MYBL2: variants seen among roughly 807,000 people sequenced by gnomAD.
The protein encoded by MYBL2 is MYB proto-oncogene like 2.
A neutral mutation model predicts 79.9 loss-of-function variants in MYBL2; 28 were observed. The observed-to-expected ratio is 0.35, with a 90% CI of 0.26 to 0.48. The LOEUF is 0.48. Ranked by LOEUF, MYBL2 falls within the 20% of genes least tolerant of loss-of-function variation. MYBL2 has a pLI of 0.99. For synonymous variants in MYBL2, 378 were observed against 361.2 expected (o/e 1.05, Z -0.53); for missense variants, 735 against 893.9 (o/e 0.82, Z 2.27).
At chr20:43,699,646 T>C (rs1247256245) in intron 6 of MYBL2, 111 bp from the exon 7 acceptor site, 1 of 1,126,924 alleles carries the variant, frequency 8.9e-7, no homozygotes, top group African/African-American at 1.6e-5. Context: ...GTTTCTCTAT[T>C]TGGGTTCATC....
chr20:43,682,814 C>T lies in MYBL2; in HGVS notation c.207C>T (p.Cys69=). The T allele has an allele frequency of 6.2e-7, 1 of 1,613,994 alleles. No individual in the cohort carries two copies. Among genetic ancestry groups the T allele is most frequent in the Non-Finnish European group, 8.5e-7 (1 of 1,179,890 alleles). The change falls in exon 4 of 14, where the codon TGC becomes TGT. Residue 69 remains cysteine (C), a synonymous_variant. Coordinates refer to ENST00000217026, the MANE Select transcript of MYBL2 (RefSeq NM_002466.4). ...SHFPNRTDQQ[C]QYRWLRVLNP... ...CCCAGAACCGCACTGACCAGCAATGCCAGTACAGGTGGCTGAGAGTTTTGA... is the reference window on the plus strand; with the variant it reads ...CCCAGAACCGCACTGACCAGCAATGTCAGTACAGGTGGCTGAGAGTTTTGA...
intron 6 of MYBL2, among the ~76,000 whole-genome samples, chr20:43,697,320 C>T (rs2145724837): frequency 6.6e-6 from 1 of 151,928 alleles, no homozygotes; most frequent in East Asian, 1.9e-4. Flanking sequence ...AAATAAATTG[C>T]ATATATTGAC....
Position 43,690,197 on chromosome 20 carries a change from T to A in MYBL2, c.501-1960T>A, listed in dbSNP as rs112739611. On this transcript the variant is annotated intron_variant, in intron 5 of 13. Transcript: ENST00000217026. The stretch of plus-strand genomic sequence containing the variant: ...CCTTCCAAGAGCTGTTTTTTGTTTT[T>A]TTTTTTTTGTTTGTTTTTTGTTTTT... Among the ~76,000 whole-genome samples the A allele has an allele frequency of 5.9e-5, 9 of 152,016 alleles. No homozygotes were observed. The South Asian group carries it at 1.7e-3, about 28-fold the overall frequency.
chr20:43,700,996 A>T (rs781200664), intron 7 of MYBL2, among the ~76,000 whole-genome samples: 1 of 152,096 alleles, frequency 6.6e-6, no homozygotes, highest in Non-Finnish European at 1.5e-5. Context: ...CAGGCCCATC[A>T]CTTGCTACCT....
Position 43,686,848 on chromosome 20 carries a change from T to C in MYBL2, c.280-4T>C, listed in dbSNP as rs1309541705. ...AAGTGGCTACCCAGAGACTTTTCTC[T>C]AAGGTCATCGAGCTGGTTAAGAAGT... On this transcript the variant is annotated splice_polypyrimidine_tract_variant and splice_region_variant and intron_variant, in intron 4 of 13. Transcript: ENST00000217026. The C allele has an allele frequency of 1.2e-6, 2 of 1,613,856 alleles. No homozygotes were observed. Among genetic ancestry groups the C allele is most frequent in the Admixed American group, 1.7e-5 (1 of 60,022 alleles).
chr20:43,692,061 C>G, intron 5 of MYBL2, 96 bp from the exon 6 acceptor site: 1 of 1,166,102 alleles, frequency 8.6e-7, no homozygotes, highest in South Asian at 1.5e-5. Flanking sequence ...GATTCATTTA[C>G]AGGAGCAGGA....
At chr20:43,698,065 T>TC (rs1159670192) in intron 6 of MYBL2, among the ~76,000 whole-genome samples, 8 of 140,882 alleles carry the variant, frequency 5.7e-5, no homozygotes, top group African/African-American at 2.0e-4. Context: ...GGTTGTCTTT[T>TC]TTTTTTTTTT....
At chr20:43,701,122 C>T (rs187877940) in intron 7 of MYBL2, among the ~76,000 whole-genome samples, 2 of 152,290 alleles carry the variant, frequency 1.3e-5, no homozygotes, top group Non-Finnish European at 1.5e-5. Flanking sequence ...TTCACACAGC[C>T]GGTGACCTCC....
chr20:43,691,346 G>A (rs977785000), intron 5 of MYBL2, among the ~76,000 whole-genome samples: 1 of 151,770 alleles, frequency 6.6e-6, no homozygotes, highest in African/African-American at 2.4e-5. Context: ...TTTTGAGATG[G>A]AGTCTCACTC....
intron 1 of MYBL2, among the ~76,000 whole-genome samples, chr20:43,668,523 A>G (rs1230284705): frequency 6.6e-6 from 1 of 151,942 alleles, no homozygotes; most frequent in African/African-American, 2.4e-5. Context: ...TCTTTAGACG[A>G]TAGCCTCATC....
chr20:43,703,716 C>G (rs1277357270), intron 8 of MYBL2, among the ~76,000 whole-genome samples: 1 of 152,156 alleles, frequency 6.6e-6, no homozygotes, highest in East Asian at 1.9e-4. Flanking sequence ...CCTGAGGTGG[C>G]CTGGTGCAGG....
intron 4 of MYBL2, among the ~76,000 whole-genome samples, chr20:43,685,617 T>G (rs990853265): frequency 3.9e-5 from 6 of 152,084 alleles, no homozygotes; most frequent in Non-Finnish European, 8.8e-5. Flanking sequence ...ATTAGCCAGG[T>G]GTCTTGGTGT....
At chr20:43,675,479 A>C (rs1252254711) in intron 2 of MYBL2, among the ~76,000 whole-genome samples, 1 of 151,640 alleles carries the variant, frequency 6.6e-6, no homozygotes. Context: ...ATGCCCAGCT[A>C]ATTCTTGTAT....
At chr20:43,707,975 G>A (rs113284851) in intron 9 of MYBL2, among the ~76,000 whole-genome samples, 2 of 152,084 alleles carry the variant, frequency 1.3e-5, no homozygotes, top group African/African-American at 4.8e-5. Context: ...AACATGATGG[G>A]ATTGTTTTCT....
At position 43,682,807 on chromosome 20, in the gene MYBL2, A is replaced by G; in HGVS notation, c.200A>G (p.Gln67Arg). The G allele has an allele frequency of 3.1e-6, 5 of 1,614,070 alleles. No individual in the cohort carries two copies. The highest frequency in any genetic ancestry group is 4.2e-6 in the Non-Finnish European group (5 of 1,179,908). ...LASHFPNRTDQQCQYRWLRVL... is the reference protein window; with the variant it reads ...LASHFPNRTDRQCQYRWLRVL... The stretch of plus-strand genomic sequence containing the variant: ...TTCTTTTCCCAGAACCGCACTGACC[A>G]GCAATGCCAGTACAGGTGGCTGAGA... Residue 67 changes from glutamine to arginine, a missense_variant, in exon 4 of 14, where the codon CAG becomes CGG. By Grantham distance (43) the Gln-to-Arg change is conservative. Around this residue, in one of 5 missense-constraint regions of MYBL2, gnomAD observed 79 missense variants for 86.7 expected, o/e 0.91. Transcript: ENST00000217026.
intron 6 of MYBL2, among the ~76,000 whole-genome samples, chr20:43,698,691 C>T (rs1987614762): frequency 7.4e-6 from 1 of 134,592 alleles, no homozygotes; most frequent in East Asian, 2.1e-4. Flanking sequence ...TTTAAATGAG[C>T]AGGGTCTTGC....
At position 43,692,226 on chromosome 20, in the gene MYBL2, G is replaced by A; in HGVS notation, c.570G>A (p.Leu190=). 6.2e-6 allele frequency: 10 copies of A among 1,614,200 alleles called. No individual in the cohort carries two copies. Among genetic ancestry groups the A allele is most frequent in the Non-Finnish European group, 7.6e-6 (9 of 1,180,040 alleles). The change falls in exon 6 of 14, where the codon TTG becomes TTA. Residue 190 remains leucine (L), a synonymous_variant. Transcript: ENST00000217026. ...IKRKVDTGGF[L]SESKDCKPPV... ...GGAAGGTGGACACAGGAGGCTTCTT[G>A]AGCGAGTCCAAAGACTGCAAGCCCC... is the stretch of plus-strand genomic sequence containing the variant.
At chr20:43,687,647 G>A (rs1379789598) in intron 5 of MYBL2, among the ~76,000 whole-genome samples, 2 of 152,014 alleles carry the variant, frequency 1.3e-5, no homozygotes, top group Non-Finnish European at 2.9e-5. Flanking sequence ...TCTGCTATGG[G>A]AGATTAGCTT....
Position 43,702,539 on chromosome 20 carries a change from C to G in MYBL2, c.1001C>G (p.Pro334Arg), listed in dbSNP as rs1223069277. 6.2e-7 allele frequency: 1 copy of G among 1,612,950 alleles called. No homozygotes were observed. The highest frequency in any genetic ancestry group is 8.5e-7 in the Non-Finnish European group (1 of 1,179,154). Residue 334 changes from proline to arginine, a missense_variant, in exon 8 of 14, where the codon CCA (proline) becomes CGA (arginine). Physicochemically the swap from Pro to Arg is moderately radical, Grantham distance 103 (BLOSUM62 -2). Transcript: ENST00000217026. ...AGTAAATTTGACCTCCCTGAGGAAC[C>G]ATCTGCAGAGGACAGTATCAACAAC... ...DLSKFDLPEEPSAEDSINNSL... is the reference protein window; with the variant it reads ...DLSKFDLPEERSAEDSINNSL...
Sources: allele counts gnomAD v4.1 joint callset (sites outside exome capture counted in the v4.1 genomes callset), GRCh38; gene constraint gnomAD v4.1.1; regional missense constraint gnomAD v4.1.1; transcripts MANE v1.5; gene names NCBI Gene and HGNC (gene_info 2026-07-23, HGNC 2026-07-21).